Variants in VPS37B observed in about 807,000 individuals in gnomAD.
The protein encoded by VPS37B is vacuolar protein sorting-associated protein 37B.
VPS37B carries 11 observed loss-of-function variants against 21.2 expected under a neutral mutation model. The ratio of observed to expected loss-of-function variants is 0.52; its 90% CI spans 0.33 to 0.86. The LOEUF (loss-of-function observed/expected upper bound fraction) is 0.86, where lower values mean the gene tolerates loss of function less well. Among genes scored for constraint, VPS37B ranks in the 40% least tolerant of loss-of-function variants. The pLI is 0.03. For missense variants in VPS37B, 389 were observed against 374.8 expected, an observed-to-expected ratio of 1.04 and a Z score of -0.31; for synonymous variants, 175 against 159.6, an observed-to-expected ratio of 1.10 and a Z score of -0.73.
Position 122,867,366 on chromosome 12 carries a change from G to A in VPS37B, c.608C>T (p.Ala203Val). Residue 203 changes from alanine (A) to valine (V), a missense_variant, in exon 4 of 4, where the codon GCA (alanine) becomes GTA (valine). Transcript: ENST00000267202. This position sits in a 1 kb window ranked among gnomAD's most constrained non-coding sequence, Gnocchi z 5.5. ...TGGTGGGGGGGGGATGCGCCGAGGT[G>A]CAACGGCAGGAGGCCCACTGGCCTC... ...APEASGPPAV[A>V]PRRIPPPPPP... 5 of 1,456,504 alleles carry A rather than the reference G, an allele frequency of 3.4e-6. No homozygotes were observed. The highest frequency in any genetic ancestry group is 2.2e-5 in the South Asian group (2 of 88,998). 90.2% of individuals were successfully genotyped at this position (1,456,504 alleles called of 1,614,324 possible). A position where few individuals can be genotyped will look rare whatever the true frequency, so the allele number is the denominator to read the frequency against.
intron 1 of VPS37B, chr12:122,876,508 G>C (rs573373484): frequency 3.3e-5 from 5 of 152,046 alleles, no homozygotes; most frequent in African/African-American, 1.2e-4. Context: ...TCAGGAGTTC[G>C]AGACCAGCCT....
chr12:122,867,709 C>T lies in VPS37B; in HGVS notation c.367-102G>A. On this transcript the variant is annotated intron_variant, in intron 3 of 3. Coordinates refer to ENST00000267202, the MANE Select transcript of VPS37B (RefSeq NM_024667.3). This position sits in a 1 kb window ranked among gnomAD's most constrained non-coding sequence, Gnocchi z 5.5. Reference sequence around the variant, plus strand: ...AGGCAACGCCCAGCTGCTTCCAACACTGCCCCCTCCCTGTAACCACCCAGA... The same window carrying T: ...AGGCAACGCCCAGCTGCTTCCAACATTGCCCCCTCCCTGTAACCACCCAGA... 2 of 1,509,738 alleles carry T rather than the reference C, an allele frequency of 1.3e-6. No individual in the cohort carries two copies. The highest frequency in any genetic ancestry group is 2.3e-5 in the East Asian group (1 of 43,850). The allele number at this position is 1,509,738 out of a possible 1,614,324, so 93.5% of individuals were successfully genotyped here.
chr12:122,888,459 C>T (rs1019930857), intron 1 of VPS37B: 13 of 438,682 alleles, frequency 3.0e-5, no homozygotes, highest in African/African-American at 1.0e-4. Flanking sequence ...ATGTTCTGAG[C>T]GCCAGTGATT....
chr12:122,867,056 C>T lies in VPS37B; in HGVS notation c.*60G>A, dbSNP rs898050426. The T allele has an allele frequency of 5.5e-6, 8 of 1,458,738 alleles. No homozygotes were observed. The highest frequency in any genetic ancestry group is 4.2e-5 in the African/African-American group (3 of 70,706). The allele number at this position is 1,458,738 out of a possible 1,614,324, so 90.4% of individuals were successfully genotyped here. A position where few individuals can be genotyped will look rare whatever the true frequency, so the allele number is the denominator to read the frequency against. On this transcript the variant is annotated 3_prime_UTR_variant, in exon 4 of 4. Transcript: ENST00000267202. The surrounding 1 kb of genome is among the most constrained non-coding windows in gnomAD (Gnocchi z 5.5). ...CAGAGCGGACCTCCAGCCTCCTTCC[C>T]GTGAGCAGAGCACAACACGCCAGGT...
chr12:122,884,916 TG>T, intron 1 of VPS37B: 1 of 152,376 alleles, frequency 6.6e-6, no homozygotes, highest in Middle Eastern at 3.4e-3. Flanking sequence ...CCTGGATTTA[TG>T]TTTATTAAGA....
At chr12:122,881,161 A>G (rs2034241862) in intron 1 of VPS37B, 1 of 152,238 alleles carries the variant, frequency 6.6e-6, no homozygotes, top group Non-Finnish European at 1.5e-5. Context: ...GAGCATAGCT[A>G]GCATGTGCCA....
chr12:122,893,627 C>A (rs2034447637), intron 1 of VPS37B, among the ~76,000 whole-genome samples: 1 of 152,148 alleles, frequency 6.6e-6, no homozygotes, highest in Non-Finnish European at 1.5e-5. Context: ...ACCAGGACGA[C>A]AGGATTGACA....
At chr12:122,885,925 C>T (rs1404192101) in intron 1 of VPS37B, 5 of 151,582 alleles carry the variant, frequency 3.3e-5, no homozygotes, top group African/African-American at 4.8e-5. Context: ...CCTCATGATC[C>T]GCCCGCCTCG....
intron 1 of VPS37B, chr12:122,889,944 C>T (rs2034389649): frequency 1.3e-5 from 2 of 152,274 alleles, no homozygotes; most frequent in Admixed American, 1.3e-4. Flanking sequence ...TGCTTTCCTG[C>T]CTCTGTGCCT....
intron 1 of VPS37B, chr12:122,871,394 C>T: frequency 9.6e-7 from 1 of 1,046,822 alleles, no homozygotes; most frequent in Non-Finnish European, 1.1e-6. Context: ...CAGAAGTAAA[C>T]AGCTGTAAAG....
intron 1 of VPS37B, among the ~76,000 whole-genome samples, chr12:122,893,246 CCTA>C (rs2034442479): frequency 6.6e-6 from 1 of 151,988 alleles, no homozygotes; most frequent in Admixed American, 6.6e-5. Flanking sequence ...TTTATTGAGC[CCTA>C]CTGATGGGCT....
Position 122,867,422 on chromosome 12 carries a change from T to G in VPS37B, c.552A>C (p.Ala184=), listed in dbSNP as rs2135693369. 1 of 1,410,038 alleles carries G rather than the reference T, an allele frequency of 7.1e-7. No individual in the cohort carries two copies. The highest frequency in any genetic ancestry group is 9.4e-7 in the Non-Finnish European group (1 of 1,064,356). The allele number at this position is 1,410,038 out of a possible 1,614,324, so 87.3% of individuals were successfully genotyped here. ...APLPPRLPEL[A]PTAPLPYPAP... ...CAGGGTAGGGAAGGGGGGCGGTAGG[T>G]GCCAGTTCGGGCAGCCTGGGGGGCA... The change falls in exon 4 of 4, where the codon GCA becomes GCC. Residue 184 remains alanine (A), a synonymous_variant. Transcript: ENST00000267202. This position sits in a 1 kb window ranked among gnomAD's most constrained non-coding sequence, Gnocchi z 5.5.
intron 1 of VPS37B, chr12:122,873,900 C>A: frequency 6.6e-6 from 1 of 152,202 alleles, no homozygotes. Flanking sequence ...TCAGAGAGCC[C>A]CCCACAACCC....
chr12:122,870,028 T>C (rs1340604086), intron 2 of VPS37B: 2 of 143,052 alleles, frequency 1.4e-5, no homozygotes, highest in African/African-American at 2.6e-5. Flanking sequence ...AAATAAAGTG[T>C]TTCAGTGATG....
intron 1 of VPS37B, chr12:122,878,486 C>T (rs953104699): frequency 2.6e-5 from 4 of 151,262 alleles, no homozygotes; most frequent in Non-Finnish European, 5.9e-5. Flanking sequence ...AATGGTGTGC[C>T]CCCCTCCCCC....
intron 1 of VPS37B, chr12:122,884,587 C>G (rs995525227): frequency 3.9e-5 from 6 of 151,960 alleles, no homozygotes; most frequent in African/African-American, 1.5e-4. Context: ...AGTGTAGGAG[C>G]AGAAATGTCC....
chr12:122,889,539 A>G (rs2034381090), intron 1 of VPS37B: 1 of 152,282 alleles, frequency 6.6e-6, no homozygotes. Context: ...CCCGACCAAC[A>G]TGGAGAAACC....
intron 1 of VPS37B, among the ~76,000 whole-genome samples, chr12:122,890,956 G>A (rs2034402758): frequency 6.6e-6 from 1 of 152,156 alleles, no homozygotes; most frequent in Non-Finnish European, 1.5e-5. Context: ...TCTTCCATTT[G>A]GGCATCAAGG....
Position 122,870,961 on chromosome 12 carries a change from G to A in VPS37B, c.212C>T (p.Ala71Val). Residue 71 changes from alanine to valine, a missense_variant, in exon 2 of 4, where the codon GCA (alanine) becomes GTA (valine). Ala to Val is a moderately conservative substitution (Grantham distance 64). Transcript: ENST00000267202. ...LYQPQLDTLKARLTQKYQELQ... is the reference protein window; with the variant it reads ...LYQPQLDTLKVRLTQKYQELQ... Reference sequence around the variant, plus strand: ...TTCCTGGTATTTCTGGGTCAAGCGTGCTTTCAACGTGTCCAGCTGGGGCTG... The same window carrying A: ...TTCCTGGTATTTCTGGGTCAAGCGTACTTTCAACGTGTCCAGCTGGGGCTG... 1.2e-6 allele frequency: 2 copies of A among 1,614,200 alleles called. No homozygotes were observed. Among genetic ancestry groups the A allele is most frequent in the Non-Finnish European group, 1.7e-6 (2 of 1,180,034 alleles).
Sources: allele counts gnomAD v4.1 joint callset (sites outside exome capture counted in the v4.1 genomes callset), GRCh38; gene constraint gnomAD v4.1.1; non-coding constraint Gnocchi (gnomAD v3.1); transcripts MANE v1.5; gene names NCBI Gene and HGNC (gene_info 2026-07-23, HGNC 2026-07-21).